The following ABCB5 variants were observed in gnomAD, a reference collection of about 807,000 sequenced individuals.
The protein encoded by ABCB5 is ATP-binding cassette sub-family B member 5.
In ABCB5, 155 loss-of-function variants were observed where a neutral mutation model predicts 144.2. The observed-to-expected ratio is 1.08, with a 90% CI of 0.94 to 1.23. The LOEUF (loss-of-function observed/expected upper bound fraction) is 1.23, where lower values mean the gene tolerates loss of function less well. ABCB5 is among the 50% of genes most tolerant of loss of function. ABCB5 has a pLI of 0.00. For synonymous variants in ABCB5, 610 were observed against 528.6 expected (o/e 1.15, Z -2.11); for missense variants, 1,830 against 1,520.8 (o/e 1.20, Z -3.38).
rs141859736 is a variant in ABCB5 at position 20,717,964 on chromosome 7, C to A, written c.2422-5052C>A. On this transcript the variant is annotated intron_variant, in intron 20 of 27. Coordinates refer to ENST00000404938, the MANE Select transcript of ABCB5 (RefSeq NM_001163941.2). ...TCGCCCAGGCTGGAGTGCAGTGGCG[C>A]AATCTCGGCTCATTGCAAGCTCCAC... Among the ~76,000 whole-genome samples, 1,054 of 122,944 alleles carry A rather than the reference C, an allele frequency of 8.6e-3. 16 individuals carry two copies. Among genetic ancestry groups the A allele is most frequent in the African/African-American group, 0.03 (1,001 of 33,574 alleles). 80.7% of individuals were successfully genotyped at this position (122,944 alleles called of 152,430 possible). A position where few individuals can be genotyped will look rare whatever the true frequency, so the allele number is the denominator to read the frequency against.
chr7:20,685,943 C>A, intron 16 of ABCB5, 107 bp downstream of exon 16: 1 of 1,171,562 alleles, frequency 8.5e-7, no homozygotes, highest in Non-Finnish European at 1.1e-6. Flanking sequence ...TACTGTAGCA[C>A]TAAGCTCACA....
intron 11 of ABCB5, 148 bp downstream of exon 11, chr7:20,648,226 G>C: frequency 3.3e-6 from 2 of 605,066 alleles, no homozygotes; most frequent in Non-Finnish European, 5.9e-6. Context: ...ATAAATAATG[G>C]ACAAATAACT....
chr7:20,735,870 T>C (rs149150381), intron 23 of ABCB5, among the ~76,000 whole-genome samples: 25 of 152,328 alleles, frequency 1.6e-4, no homozygotes, highest in African/African-American at 5.5e-4. Flanking sequence ...TCCTCATTCA[T>C]TGACTGATAA....
Position 20,647,992 on chromosome 7 carries a change from A to C in ABCB5, c.1120A>C (p.Thr374Pro). The C allele has an allele frequency of 2.5e-6, 4 of 1,609,936 alleles. No individual in the cohort carries two copies. The highest frequency in any genetic ancestry group is 3.4e-6 in the Non-Finnish European group (4 of 1,176,750). The change falls in exon 11 of 28, where the codon ACA becomes CCA. Residue 374 changes from threonine (T) to proline (P), a missense_variant. Thr to Pro is a conservative substitution (Grantham distance 38, BLOSUM62 -1). Coordinates refer to ENST00000404938, the MANE Select transcript of ABCB5 (RefSeq NM_001163941.2). The stretch of plus-strand genomic sequence containing the variant: ...GAAACCCAGTATAGATAACTTTTCC[A>C]CAGCTGGATATAAACCTGAATCCAT... ...DKKPSIDNFS[T>P]AGYKPESIEG...
At chr7:20,694,370 A>G (rs535967914) in intron 16 of ABCB5, among the ~76,000 whole-genome samples, 1 of 152,176 alleles carries the variant, frequency 6.6e-6, no homozygotes, top group African/African-American at 2.4e-5. Flanking sequence ...AAAAGAAAAA[A>G]CCAATTATCT....
chr7:20,749,429 G>A, intron 26 of ABCB5, among the ~76,000 whole-genome samples: 1 of 118,322 alleles, frequency 8.5e-6, no homozygotes, highest in East Asian at 2.2e-4. Flanking sequence ...GCAAAGATGG[G>A]GTTTCACCAT....
chr7:20,681,535 G>T lies in ABCB5; in HGVS notation c.1738G>T (p.Ala580Ser), dbSNP rs758458740. Residue 580 changes from alanine (A) to serine (S), a missense_variant, in exon 15 of 28, where the codon GCA becomes TCA. Coordinates refer to ENST00000404938, the MANE Select transcript of ABCB5 (RefSeq NM_001163941.2). Reference protein sequence around the residue: ...ASKGRTTIVVAHRLSTIRSAD... With the variant: ...ASKGRTTIVVSHRLSTIRSAD... ...CAAAGGTCGGACTACAATCGTGGTA[G>T]CACACCGACTTTCTACTATTCGAAG... is the stretch of plus-strand genomic sequence containing the variant. 7 of 1,614,066 alleles carry T rather than the reference G, an allele frequency of 4.3e-6. No homozygotes were observed. In the African/African-American group the frequency reaches 9.3e-5, roughly 22 times the overall value.
At chr7:20,704,073 T>G (rs1786728018) in intron 19 of ABCB5, among the ~76,000 whole-genome samples, 1 of 105,244 alleles carries the variant, frequency 9.5e-6, no homozygotes, top group African/African-American at 3.9e-5. Context: ...TTTATTGCCT[T>G]CCTTTTTTTT....
intron 5 of ABCB5, among the ~76,000 whole-genome samples, chr7:20,638,134 C>G (rs1381116243): frequency 6.6e-6 from 1 of 152,044 alleles, no homozygotes; most frequent in Non-Finnish European, 1.5e-5. Context: ...TGAGTCAGTG[C>G]TTCTATAAAA....
At chr7:20,632,643 G>A (rs897409299) in intron 5 of ABCB5, among the ~76,000 whole-genome samples, 1 of 151,974 alleles carries the variant, frequency 6.6e-6, no homozygotes, top group Non-Finnish European at 1.5e-5. Context: ...TGGATTAAGA[G>A]AATGTGGCAC....
At chr7:20,656,912 CTTTTT>C (rs749816471) in intron 13 of ABCB5, among the ~76,000 whole-genome samples, 1 of 58,580 alleles carries the variant, frequency 1.7e-5, no homozygotes, top group Non-Finnish European at 3.2e-5. Context: ...TTTCCTTTTT[CTTTTT>C]TTTTTTTTTT....
intron 14 of ABCB5, among the ~76,000 whole-genome samples, chr7:20,668,615 C>CT: frequency 6.7e-6 from 1 of 149,020 alleles, no homozygotes; most frequent in East Asian, 2.1e-4. Context: ...GCCCCCCGCC[C>CT]GGCCAGCCGC....
chr7:20,724,833 C>T lies in ABCB5; in HGVS notation c.2625+1614C>T, dbSNP rs117696606. On this transcript the variant is annotated intron_variant, in intron 21 of 27. Coordinates refer to ENST00000404938, the MANE Select transcript of ABCB5 (RefSeq NM_001163941.2). ...CCAAGCACATAACTCACTGTAATCT[C>T]GTTTGCCTGAGCCTTAGACCTTTCC... is the stretch of plus-strand genomic sequence containing the variant. Among the ~76,000 whole-genome samples, 873 of 152,120 alleles carry T rather than the reference C, an allele frequency of 5.7e-3. 6 individuals carry two copies. Among genetic ancestry groups the T allele is most frequent in the Non-Finnish European group, 9.4e-3 (639 of 68,004 alleles).
chr7:20,736,522 A>C (rs1471584605), intron 23 of ABCB5, among the ~76,000 whole-genome samples: 1 of 152,126 alleles, frequency 6.6e-6, no homozygotes, highest in Non-Finnish European at 1.5e-5. Context: ...AGCTCCTGTT[A>C]GTGACTTTAA....
At chr7:20,626,460 C>T in intron 2 of ABCB5, 97 bp from the exon 3 acceptor site, 2 of 983,894 alleles carry the variant, frequency 2.0e-6, no homozygotes, top group Non-Finnish European at 3.0e-6. Flanking sequence ...AATTTGCTAC[C>T]AAGGTGATAT....
rs189641011 is a variant in ABCB5, at chr7:20,666,652, G to C, written c.1707+7976G>C. On this transcript the variant is annotated intron_variant, in intron 14 of 27. Transcript: ENST00000404938. ...TGTCAAGTAGAGACCTGTCTTCCTG[G>C]TGACCTTTGTTTGGTCAAATACCTA... The C allele has an allele frequency of 4.6e-5, 64 of 1,379,848 alleles. No homozygotes were observed. The African/African-American group carries it at 6.8e-4, about 15-fold the overall frequency. 85.5% of individuals were successfully genotyped at this position (1,379,848 alleles called of 1,614,324 possible). A position where few individuals can be genotyped will look rare whatever the true frequency, so the allele number is the denominator to read the frequency against.
chr7:20,750,601 G>A (rs1408114687), intron 26 of ABCB5, among the ~76,000 whole-genome samples: 3 of 152,016 alleles, frequency 2.0e-5, no homozygotes, highest in Non-Finnish European at 4.4e-5. Flanking sequence ...CCTTCTGGGG[G>A]TGTTAAATAA....
chr7:20,634,236 T>G (rs1472112186), intron 5 of ABCB5, among the ~76,000 whole-genome samples: 2 of 87,944 alleles, frequency 2.3e-5, no homozygotes, highest in Non-Finnish European at 4.7e-5. Context: ...TAGTATTCCA[T>G]GTTGTGTGTG....
intron 19 of ABCB5, among the ~76,000 whole-genome samples, chr7:20,704,075 C>CTTTTTTTTTTTTTTCT (rs1786729284): frequency 2.5e-5 from 2 of 80,770 alleles, no homozygotes; most frequent in African/African-American, 5.0e-5. Context: ...TATTGCCTTC[C>CTTTTTTTTTTTTTTCT]TTTTTTTTTT....
Sources: allele counts gnomAD v4.1 joint callset (sites outside exome capture counted in the v4.1 genomes callset), GRCh38; gene constraint gnomAD v4.1.1; transcripts MANE v1.5; gene names NCBI Gene and HGNC (gene_info 2026-07-23, HGNC 2026-07-21).